Variants in BMPR1A observed in about 807,000 individuals in gnomAD.
BMPR1A encodes bone morphogenetic protein receptor type 1A.
BMPR1A carries 7 observed loss-of-function variants against 66.0 expected under a neutral mutation model. That is an observed-to-expected ratio of 0.11 (90% CI 0.06 to 0.20). BMPR1A has a LOEUF of 0.20. Ranked by LOEUF, BMPR1A falls within the 10% of genes least tolerant of loss-of-function variation. The probability of loss-of-function intolerance (pLI) is 1.00; values close to 1 mark genes in which losing one functional copy is unlikely to be tolerated. For synonymous variants in BMPR1A, 200 were observed against 229.7 expected, an observed-to-expected ratio of 0.87 and a Z score of 1.17; for missense variants, 408 against 669.1, an observed-to-expected ratio of 0.61 and a Z score of 4.31.
intron 2 of BMPR1A, among the ~76,000 whole-genome samples, chr10:86,863,713 G>C (rs1842743246): frequency 6.6e-6 from 1 of 152,000 alleles, no homozygotes; most frequent in South Asian, 2.1e-4. Context: ...GTCACTGCAG[G>C]GTCAGTCAAA....
At chr10:86,862,384 G>A (rs999622208) in intron 2 of BMPR1A, among the ~76,000 whole-genome samples, 1 of 152,202 alleles carries the variant, frequency 6.6e-6, no homozygotes, top group African/African-American at 2.4e-5. Context: ...CAGGTGCAAG[G>A]AACACCTATT....
intron 1 of BMPR1A, among the ~76,000 whole-genome samples, chr10:86,809,367 G>A (rs1841935188): frequency 6.6e-6 from 1 of 151,308 alleles, no homozygotes; most frequent in South Asian, 2.1e-4. Context: ...ATAGCTCACT[G>A]CAACCTCCAC....
intron 7 of BMPR1A, among the ~76,000 whole-genome samples, chr10:86,901,638 G>T (rs1273267922): frequency 6.6e-6 from 1 of 152,122 alleles, no homozygotes; most frequent in Non-Finnish European, 1.5e-5. Flanking sequence ...GTTAGATAAA[G>T]AAGTTTAAAA....
intron 1 of BMPR1A, among the ~76,000 whole-genome samples, chr10:86,799,317 A>C (rs1179218361): frequency 2.0e-5 from 3 of 152,216 alleles, no homozygotes; most frequent in African/African-American, 4.8e-5. Context: ...TGAGATAATA[A>C]TATCAACTTC....
chr10:86,853,862 C>T (rs934504953), intron 2 of BMPR1A, among the ~76,000 whole-genome samples: 7 of 152,020 alleles, frequency 4.6e-5, no homozygotes, highest in Admixed American at 2.0e-4. Context: ...CAGGACGGGG[C>T]GAAATTAAAA....
intron 2 of BMPR1A, among the ~76,000 whole-genome samples, chr10:86,866,990 G>C (rs1029223789): frequency 1.3e-5 from 2 of 152,150 alleles, no homozygotes; most frequent in African/African-American, 4.8e-5. Flanking sequence ...AAATGACAGT[G>C]ACAATGGGAT....
chr10:86,772,126 G>GTTTTTTTTTTTTTTTTTTTTTTTTT (rs777280640), intron 1 of BMPR1A, among the ~76,000 whole-genome samples: 1 of 88,872 alleles, frequency 1.1e-5, no homozygotes, highest in African/African-American at 4.8e-5. Context: ...TCAGAGATAG[G>GTTTTTTTTTTTTTTTTTTTTTTTTT]TTTTTTTTTT....
rs1176613658 is a variant in BMPR1A at position 86,790,219 on chromosome 10, A to G, written c.-268+33300A>G. 5.3e-4 allele frequency among the ~76,000 whole-genome samples: 52 copies of G among 97,896 alleles called. 8 individuals carry two copies. Among genetic ancestry groups the G allele is most frequent in the East Asian group, 2.4e-3 (8 of 3,388 alleles). The allele number at this position is 97,896 out of a possible 152,430, so 64.2% of individuals were successfully genotyped here. On this transcript the variant is annotated intron_variant, in intron 1 of 12. Transcript: ENST00000372037. ...TATATATATATATATATATATATAT[A>G]TATATATATATATATATCAAAACCA...
chr10:86,928,058 G>GTA (rs1225603373), downstream of BMPR1A: 1 of 170,064 alleles, frequency 5.9e-6, no homozygotes, highest in Admixed American at 6.4e-5. Context: ...TTAAGTTAGT[G>GTA]TATATACATA....
chr10:86,885,344 T>C (rs1843055307), intron 3 of BMPR1A, among the ~76,000 whole-genome samples: 1 of 152,244 alleles, frequency 6.6e-6, no homozygotes, highest in Non-Finnish European at 1.5e-5. Flanking sequence ...ACATGTTGTC[T>C]GGCTGATTTT....
rs2133594586 is a variant in BMPR1A, at chr10:86,919,487, C to T, written c.1166+18C>T. 6.2e-7 allele frequency: 1 copy of T among 1,612,508 alleles called. No individual in the cohort carries two copies. The highest frequency in any genetic ancestry group is 1.8e-4 in the Middle Eastern group (1 of 5,520). On this transcript the variant is annotated intron_variant, in intron 10 of 12. Transcript: ENST00000372037. Reference sequence around the variant, plus strand: ...TTCAACAGGTGAGTGGTTCTTTGCCCCACTGTTTTGAAATTATTTTAATTT... The same window carrying T: ...TTCAACAGGTGAGTGGTTCTTTGCCTCACTGTTTTGAAATTATTTTAATTT...
At chr10:86,804,437 G>T (rs957558838) in intron 1 of BMPR1A, among the ~76,000 whole-genome samples, 1 of 151,888 alleles carries the variant, frequency 6.6e-6, no homozygotes, top group African/African-American at 2.4e-5. Flanking sequence ...ATGGGGTTTC[G>T]CCATCTCCTG....
intron 1 of BMPR1A, among the ~76,000 whole-genome samples, chr10:86,788,602 G>A (rs887920651): frequency 2.0e-5 from 3 of 152,026 alleles, no homozygotes; most frequent in African/African-American, 2.4e-5. Context: ...GTGTTCAAGC[G>A]GTTCTTCCCT....
At chr10:86,854,328 A>G (rs913630804) in intron 2 of BMPR1A, among the ~76,000 whole-genome samples, 4 of 152,156 alleles carry the variant, frequency 2.6e-5, no homozygotes, top group African/African-American at 4.8e-5. Context: ...AGTTAACGCA[A>G]TTATTACAGG....
Position 86,926,337 on chromosome 10 carries a change from T to C in BMPR1A, c.*2618T>C, listed in dbSNP as rs1203995951. 2.6e-5 allele frequency: 4 copies of C among 153,380 alleles called. No individual in the cohort carries two copies. The highest frequency in any genetic ancestry group is 5.8e-5 in the Non-Finnish European group (4 of 68,858). The allele number at this position is 153,380 out of a possible 1,614,324, so 9.5% of individuals were successfully genotyped here. ...GAGTTCAAGACCAGCCTGGCCAACATGGTGAAACCCCATCTCTACTAAAAA... is the reference window on the plus strand; with the variant it reads ...GAGTTCAAGACCAGCCTGGCCAACACGGTGAAACCCCATCTCTACTAAAAA... On this transcript the variant is annotated 3_prime_UTR_variant, in exon 13 of 13. Transcript: ENST00000372037.
intron 1 of BMPR1A, among the ~76,000 whole-genome samples, chr10:86,795,318 C>G (rs1841692313): frequency 6.6e-6 from 1 of 152,010 alleles, no homozygotes; most frequent in Admixed American, 6.6e-5. Flanking sequence ...AGACATTTTA[C>G]TCAGATAGTG....
chr10:86,830,066 T>C lies in BMPR1A; in HGVS notation c.-267-8799T>C, dbSNP rs373808319. 1.2e-4 allele frequency among the ~76,000 whole-genome samples: 19 copies of C among 152,086 alleles called. No individual in the cohort carries two copies. In the East Asian group the frequency reaches 1.4e-3, roughly 11 times the overall value. ...CGTGGCCTCAGTGCTGGATGTAGCA[T>C]GGGGAAGTGGGAATTTGTAGCCAAG... On this transcript the variant is annotated intron_variant, in intron 1 of 12. Transcript: ENST00000372037.
intron 1 of BMPR1A, among the ~76,000 whole-genome samples, chr10:86,825,431 C>T (rs1842180194): frequency 6.6e-6 from 1 of 151,816 alleles, no homozygotes; most frequent in Non-Finnish European, 1.5e-5. Flanking sequence ...AATCTTTTGA[C>T]CTTTTAAGCA....
At chr10:86,928,662 A>C (rs1023621648), downstream of BMPR1A, 5 of 149,130 alleles carry the variant, frequency 3.4e-5, no homozygotes, top group African/African-American at 1.3e-4. Flanking sequence ...GTTTCTTTTC[A>C]ATCTTTTTTT....
Sources: allele counts gnomAD v4.1 joint callset (sites outside exome capture counted in the v4.1 genomes callset), GRCh38; gene constraint gnomAD v4.1.1; transcripts MANE v1.5; gene names NCBI Gene and HGNC (gene_info 2026-07-23, HGNC 2026-07-21).